Variants in SNX29 observed in about 807,000 individuals in gnomAD.
SNX29 encodes sorting nexin-29.
SNX29 carries 78 observed loss-of-function variants against 102.1 expected under a neutral mutation model. The observed-to-expected ratio is 0.76, with a 90% CI of 0.64 to 0.92. The LOEUF is 0.92. SNX29 is among the 40% of genes least tolerant of loss of function. The pLI is 0.00. For synonymous variants in SNX29, 580 were observed against 414.5 expected (o/e 1.40, Z -4.85); for missense variants, 1,280 against 1,061.7 (o/e 1.21, Z -2.86).
chr16:12,557,001 C>T (rs1046699262), intron 20 of SNX29, among the ~76,000 whole-genome samples: 1 of 130,054 alleles, frequency 7.7e-6, no homozygotes, highest in African/African-American at 3.0e-5. Context: ...GTACACACCA[C>T]ATCTGGCTAA....
intron 14 of SNX29, among the ~76,000 whole-genome samples, chr16:12,258,258 C>T (rs796400502): frequency 2.0e-5 from 3 of 152,344 alleles, no homozygotes; most frequent in African/African-American, 7.2e-5. Flanking sequence ...CTGCTCTGAC[C>T]TGTCACCTCG....
chr16:12,519,977 C>G (rs1444801441), intron 19 of SNX29, among the ~76,000 whole-genome samples: 1 of 152,046 alleles, frequency 6.6e-6, no homozygotes, highest in East Asian at 1.9e-4. Flanking sequence ...GAGCGAGACT[C>G]TGTCCCGCCT....
At chr16:12,141,230 T>C (rs2054856312) in intron 13 of SNX29, among the ~76,000 whole-genome samples, 4 of 152,226 alleles carry the variant, frequency 2.6e-5, no homozygotes, top group African/African-American at 9.6e-5. Flanking sequence ...GAGTAAGGTT[T>C]CCGCCTACAT....
intron 16 of SNX29, among the ~76,000 whole-genome samples, chr16:12,368,254 C>T (rs1012625204): frequency 6.6e-6 from 1 of 152,214 alleles, no homozygotes; most frequent in Non-Finnish European, 1.5e-5. Context: ...TGGAACTTTA[C>T]ACTTCCCTGA....
At chr16:12,242,125 C>T (rs1327504265) in intron 14 of SNX29, among the ~76,000 whole-genome samples, 4 of 151,642 alleles carry the variant, frequency 2.6e-5, no homozygotes, top group African/African-American at 7.3e-5. Flanking sequence ...GCTTCCCCAG[C>T]CAAAAATGGG....
intron 1 of SNX29, among the ~76,000 whole-genome samples, chr16:11,992,625 T>C (rs1204385864): frequency 6.6e-6 from 1 of 152,146 alleles, no homozygotes; most frequent in Non-Finnish European, 1.5e-5. Flanking sequence ...GACAGTGTGG[T>C]GTGTGGAAGG....
Position 12,524,734 on chromosome 16 carries a change from G to A in SNX29, c.2211G>A (p.Gln737=), listed in dbSNP as rs755621217. The change falls in exon 20 of 21, where the codon CAG becomes CAA. Residue 737 remains glutamine (Q), a synonymous_variant. Coordinates refer to ENST00000566228, the MANE Select transcript of SNX29 (RefSeq NM_032167.5). Reference sequence around the variant, plus strand: ...AGTTTGTGGAGGAACGGAGAAAGCAGCTCCAGAATTACCTGCGCAGCGTCA... The same window carrying A: ...AGTTTGTGGAGGAACGGAGAAAGCAACTCCAGAATTACCTGCGCAGCGTCA... ...DAKFVEERRK[Q]LQNYLRSVMN... is the part of the protein sequence containing the mutation. 5 of 1,613,466 alleles carry A rather than the reference G, an allele frequency of 3.1e-6. No homozygotes were observed. The African/African-American group carries it at 5.3e-5, about 17-fold the overall frequency.
intron 20 of SNX29, among the ~76,000 whole-genome samples, chr16:12,567,107 A>C (rs1032500340): frequency 4.6e-5 from 7 of 152,254 alleles, no homozygotes; most frequent in African/African-American, 1.7e-4. Flanking sequence ...TTCTTTATGA[A>C]TGCAAGTCTC....
At chr16:12,556,451 C>G (rs1366322996) in intron 20 of SNX29, 5 of 152,298 alleles carry the variant, frequency 3.3e-5, no homozygotes, top group Admixed American at 6.5e-5. Context: ...CTCCAAGGAA[C>G]TCTTAGGCGA....
chr16:12,341,559 A>G (rs555233957), intron 15 of SNX29, among the ~76,000 whole-genome samples: 3 of 152,384 alleles, frequency 2.0e-5, no homozygotes, highest in South Asian at 4.1e-4. Flanking sequence ...TGTGTCCAAC[A>G]TGGGTTGCCC....
chr16:12,562,475 C>T (rs960581309), intron 20 of SNX29, among the ~76,000 whole-genome samples: 1 of 152,214 alleles, frequency 6.6e-6, no homozygotes, highest in Non-Finnish European at 1.5e-5. Flanking sequence ...AGGCTAGGAA[C>T]TCGAGTCCTA....
chr16:12,079,036 G>C (rs2051732199), intron 11 of SNX29, 121 bp downstream of exon 11: 1 of 824,110 alleles, frequency 1.2e-6, no homozygotes, highest in Non-Finnish European at 1.9e-6. Context: ...GTACGTCCCT[G>C]GTTGTAGACT....
At chr16:12,420,499 C>G (rs556563757) in intron 18 of SNX29, among the ~76,000 whole-genome samples, 2 of 152,108 alleles carry the variant, frequency 1.3e-5, no homozygotes, top group Non-Finnish European at 2.9e-5. Context: ...TGAGGCACAT[C>G]CTGGTGTTGG....
At chr16:12,106,435 C>T (rs550040821) in intron 11 of SNX29, among the ~76,000 whole-genome samples, 2 of 152,116 alleles carry the variant, frequency 1.3e-5, no homozygotes, top group East Asian at 1.9e-4. Context: ...TCTGCCAGAG[C>T]GGAGATAAGG....
chr16:12,537,536 C>G (rs549043699), intron 20 of SNX29, among the ~76,000 whole-genome samples: 1 of 152,132 alleles, frequency 6.6e-6, no homozygotes, highest in African/African-American at 2.4e-5. Flanking sequence ...GGAAATATTA[C>G]CTACTATGGA....
At chr16:12,241,034 G>A (rs2078088610) in intron 14 of SNX29, among the ~76,000 whole-genome samples, 1 of 152,048 alleles carries the variant, frequency 6.6e-6, no homozygotes, top group Admixed American at 6.5e-5. Flanking sequence ...TCTTCCGTTT[G>A]TAGTATGCGT....
intron 15 of SNX29, among the ~76,000 whole-genome samples, chr16:12,338,535 C>A (rs2081520682): frequency 6.6e-6 from 1 of 152,214 alleles, no homozygotes; most frequent in Admixed American, 6.5e-5. Flanking sequence ...TTCAGGAAAT[C>A]TGTATCATTA....
chr16:12,102,228 C>T (rs559513731), intron 11 of SNX29, among the ~76,000 whole-genome samples: 14 of 152,232 alleles, frequency 9.2e-5, no homozygotes, highest in Middle Eastern at 3.4e-3. Context: ...AGTAAACATC[C>T]GTGTGCATGT....
At chr16:12,551,889 C>G (rs540925774) in intron 20 of SNX29, among the ~76,000 whole-genome samples, 1 of 152,180 alleles carries the variant, frequency 6.6e-6, no homozygotes. Flanking sequence ...GTCTGCTCAT[C>G]TGTAAGGTAG....
Sources: gnomAD v4.1 joint callset for allele counts (sites outside exome capture counted in the v4.1 genomes callset) on GRCh38, gnomAD v4.1.1 for gene constraint, MANE v1.5 for transcripts, NCBI Gene and HGNC (gene_info 2026-07-23, HGNC 2026-07-21) for gene names.